FRMD3: variants seen among roughly 807,000 people sequenced by gnomAD.
FRMD3 encodes FERM domain-containing protein 3.
In FRMD3, 33 loss-of-function variants were observed where a neutral mutation model predicts 70.2. That is an observed-to-expected ratio of 0.47 (90% CI 0.36 to 0.63). FRMD3 has a LOEUF of 0.63. Ranked by LOEUF, FRMD3 falls within the 20% of genes least tolerant of loss-of-function variation. FRMD3 has a pLI of 0.00. For missense variants in FRMD3, 632 were observed against 711.4 expected, an observed-to-expected ratio of 0.89 and a Z score of 1.27; for synonymous variants, 279 against 255.9, an observed-to-expected ratio of 1.09 and a Z score of -0.86.
intron 3 of FRMD3, among the ~76,000 whole-genome samples, chr9:83,356,271 A>ATTTTTTTTTTTTTTTTTTTTT (rs869149609): frequency 8.5e-5 from 8 of 94,462 alleles, no homozygotes; most frequent in African/African-American, 2.8e-4. Context: ...ACTCAGCAGC[A>ATTTTTTTTTTTTTTTTTTTTT]TTTTTTTTTT....
intron 8 of FRMD3, among the ~76,000 whole-genome samples, chr9:83,310,937 C>T (rs1425543585): frequency 6.6e-6 from 1 of 152,202 alleles, no homozygotes; most frequent in Non-Finnish European, 1.5e-5. Context: ...TGACTTTCTC[C>T]TCCTTCTGCA....
At chr9:83,359,650 G>T (rs1483744770) in intron 3 of FRMD3, among the ~76,000 whole-genome samples, 1 of 152,108 alleles carries the variant, frequency 6.6e-6, no homozygotes, top group Non-Finnish European at 1.5e-5. Flanking sequence ...ACTGAAGTTT[G>T]AATTTGTATC....
chr9:83,550,669 T>A, the FRMD3 span, among the ~76,000 whole-genome samples: 2 of 148,906 alleles, frequency 1.3e-5, no homozygotes, highest in African/African-American at 5.0e-5. Context: ...ACCTCCCTAG[T>A]TAGCTGTAGT....
intron 13 of FRMD3, among the ~76,000 whole-genome samples, chr9:83,258,999 G>T (rs1483744859): frequency 6.6e-6 from 1 of 152,078 alleles, no homozygotes; most frequent in Non-Finnish European, 1.5e-5. Context: ...CCAGAGCAGT[G>T]GTATAAAGAA....
intron 3 of FRMD3, among the ~76,000 whole-genome samples, chr9:83,370,427 A>T (rs1482406923): frequency 6.6e-6 from 1 of 152,190 alleles, no homozygotes; most frequent in African/African-American, 2.4e-5. Flanking sequence ...TTGTTCGGTA[A>T]TGTCTTTAGC....
At chr9:83,273,053 G>A (rs1341752345) in intron 13 of FRMD3, among the ~76,000 whole-genome samples, 2 of 89,938 alleles carry the variant, frequency 2.2e-5, no homozygotes, top group East Asian at 7.5e-4. Context: ...CGGGAGGTGG[G>A]GGGGGGCGCC....
At chr9:83,503,688 T>C (rs2131516849) in intron 1 of FRMD3, among the ~76,000 whole-genome samples, 1 of 152,144 alleles carries the variant, frequency 6.6e-6, no homozygotes, top group Middle Eastern at 3.4e-3. Flanking sequence ...TACACAGCAA[T>C]AGATAACCAA....
intron 1 of FRMD3, among the ~76,000 whole-genome samples, chr9:83,449,533 A>C (rs1827579823): frequency 6.6e-6 from 1 of 152,174 alleles, no homozygotes; most frequent in Non-Finnish European, 1.5e-5. Flanking sequence ...AATCACAGTG[A>C]GGTTTCTGCA....
At chr9:83,498,822 C>T (rs564135527) in intron 1 of FRMD3, among the ~76,000 whole-genome samples, 2 of 152,208 alleles carry the variant, frequency 1.3e-5, no homozygotes, top group South Asian at 4.2e-4. Context: ...ACCTTCCATC[C>T]TCTTTCCCAA....
the FRMD3 span, among the ~76,000 whole-genome samples, chr9:83,565,445 G>C: frequency 6.6e-6 from 1 of 152,200 alleles, no homozygotes; most frequent in African/African-American, 2.4e-5. Flanking sequence ...TGAAACATAA[G>C]GAAGCCAATT....
At chr9:83,362,806 C>CCTTCCTTCGCTT (rs1564035896) in intron 3 of FRMD3, among the ~76,000 whole-genome samples, 1 of 89,184 alleles carries the variant, frequency 1.1e-5, no homozygotes, top group Admixed American at 1.1e-4. Flanking sequence ...CTTCCTTTTT[C>CCTTCCTTCGCTT]CTTCCTTCCC....
chr9:83,514,581 A>T lies in FRMD3; in HGVS notation c.147+23504T>A, dbSNP rs559641413. ...CCAGCCTGCCAACTCTGAAGAGAGC[A>T]GGGATCTCCTAGCACAGTGCTCGAG... On this transcript the variant is annotated intron_variant, in intron 1 of 13. Coordinates refer to ENST00000304195, the MANE Select transcript of FRMD3 (RefSeq NM_174938.6). Among the ~76,000 whole-genome samples the T allele has an allele frequency of 2.0e-5, 3 of 152,332 alleles. No individual in the cohort carries two copies. The South Asian group carries it at 6.2e-4, about 32-fold the overall frequency.
At chr9:83,320,973 T>G (rs4111396) in intron 6 of FRMD3, among the ~76,000 whole-genome samples, 1 of 152,124 alleles carries the variant, frequency 6.6e-6, no homozygotes, top group Non-Finnish European at 1.5e-5. Context: ...TTTGTGAGTA[T>G]ATAGCTGTTC....
At chr9:83,307,009 T>TTA (rs1835159617) in intron 10 of FRMD3, among the ~76,000 whole-genome samples, 1 of 152,202 alleles carries the variant, frequency 6.6e-6, no homozygotes, top group African/African-American at 2.4e-5. Context: ...TGAATACAGG[T>TTA]TAAAAAAATA....
At chr9:83,363,679 T>A (rs953260164) in intron 3 of FRMD3, among the ~76,000 whole-genome samples, 2 of 150,592 alleles carry the variant, frequency 1.3e-5, no homozygotes, top group Admixed American at 6.7e-5. Context: ...CTCAGCCTCC[T>A]GAGTAGCTGG....
At chr9:83,527,847 C>T (rs958808652) in intron 1 of FRMD3, among the ~76,000 whole-genome samples, 1 of 152,194 alleles carries the variant, frequency 6.6e-6, no homozygotes, top group Non-Finnish European at 1.5e-5. Context: ...TGCCTCTGGA[C>T]TCCGCATCTG....
At chr9:83,486,409 G>C (rs983376506) in intron 1 of FRMD3, among the ~76,000 whole-genome samples, 1 of 152,090 alleles carries the variant, frequency 6.6e-6, no homozygotes, top group Admixed American at 6.5e-5. Context: ...GGCACTCTAG[G>C]TGGCCTGTCA....
rs200748713 is a variant in FRMD3 at position 83,343,257 on chromosome 9, G to A, written c.405C>T (p.Asp135=). The A allele has an allele frequency of 1.9e-4, 310 of 1,613,616 alleles. 1 individual carries two copies. Among genetic ancestry groups the A allele is most frequent in the South Asian group, 4.1e-4 (37 of 91,070 alleles). Residue 135 remains aspartate (D), a synonymous_variant, in exon 5 of 14, where the codon GAC becomes GAT. Transcript: ENST00000304195. ...AGCACAGCAGGCGGCCATGAAAAAT[G>A]TCCCTTTTAATCTGAAGGTATAAAA... The part of the protein sequence containing the change: ...RYLLYLQIKR[D]IFHGRLLCSF...
the FRMD3 span, among the ~76,000 whole-genome samples, chr9:83,563,185 T>G: frequency 6.6e-6 from 1 of 152,056 alleles, no homozygotes; most frequent in Admixed American, 6.6e-5. Context: ...CTTCCCAAGT[T>G]GTTTTCTTTC....
Sources: gnomAD v4.1 joint callset for allele counts (sites outside exome capture counted in the v4.1 genomes callset) on GRCh38, gnomAD v4.1.1 for gene constraint, MANE v1.5 for transcripts, NCBI Gene and HGNC (gene_info 2026-07-23, HGNC 2026-07-21) for gene names.